PITPNA: variants seen among roughly 807,000 people sequenced by gnomAD.
The protein encoded by PITPNA is phosphatidylinositol transfer protein alpha, also known as phosphatidylinositol transfer protein alpha isoform.
A neutral mutation model predicts 50.3 loss-of-function variants in PITPNA; 13 were observed. The observed-to-expected ratio is 0.26, with a 90% CI of 0.17 to 0.41. The LOEUF is 0.41. Among genes scored for constraint, PITPNA ranks in the 10% least tolerant of loss-of-function variants. The pLI is 1.00. For synonymous variants in PITPNA, 120 were observed against 119.6 expected, an observed-to-expected ratio of 1.00 and a Z score of -0.02; for missense variants, 207 against 333.4, an observed-to-expected ratio of 0.62 and a Z score of 2.95.
chr17:1,542,642 G>A (rs2075653616), intron 5 of PITPNA, among the ~76,000 whole-genome samples: 1 of 152,176 alleles, frequency 6.6e-6, no homozygotes, highest in African/African-American at 2.4e-5. Flanking sequence ...CTGACTTCAC[G>A]ACTTTGCCAA....
chr17:1,528,696 C>A (rs1462064490), intron 10 of PITPNA, among the ~76,000 whole-genome samples: 6 of 151,180 alleles, frequency 4.0e-5, no homozygotes, highest in Non-Finnish European at 8.8e-5. Flanking sequence ...ATGATCACAG[C>A]ACTGCACTCT....
In PITPNA at chr17:1,535,312, A is replaced by G. The variant is rs769757130; in HGVS notation, c.535-20T>C. The G allele has an allele frequency of 1.3e-6, 2 of 1,566,142 alleles. No homozygotes were observed. The highest frequency in any genetic ancestry group is 1.8e-6 in the Non-Finnish European group (2 of 1,136,410). ...CTCTTGCTGCATTAGAAACATACCC[A>G]TGGGTACGCAAGTAACAACGGGCAG... On this transcript the variant is annotated intron_variant, in intron 8 of 11. Transcript: ENST00000313486.
At chr17:1,559,763 G>A in intron 1 of PITPNA, 17 of 985,246 alleles carry the variant, frequency 1.7e-5, no homozygotes, top group Non-Finnish European at 2.0e-5. Flanking sequence ...CACCTCAAAG[G>A]CAAGACACCA....
chr17:1,525,360 G>A (rs1185202098), intron 10 of PITPNA, among the ~76,000 whole-genome samples: 13 of 152,090 alleles, frequency 8.5e-5, no homozygotes, highest in Admixed American at 8.5e-4. Context: ...CTGTCCTATA[G>A]CAAAGGAGAT....
intron 1 of PITPNA, among the ~76,000 whole-genome samples, chr17:1,560,532 G>A (rs776018781): frequency 6.6e-6 from 1 of 152,208 alleles, no homozygotes; most frequent in African/African-American, 2.4e-5. Context: ...TCAAGGGGAG[G>A]AGAACAAAGA....
At chr17:1,533,264 A>T (rs1178064281) in intron 10 of PITPNA, among the ~76,000 whole-genome samples, 1 of 151,806 alleles carries the variant, frequency 6.6e-6, no homozygotes. Context: ...CAGGGGAGTG[A>T]TTAAGAGCTG....
chr17:1,541,997 C>T (rs1401480499), intron 5 of PITPNA, among the ~76,000 whole-genome samples: 2 of 151,960 alleles, frequency 1.3e-5, no homozygotes, highest in Non-Finnish European at 2.9e-5. Flanking sequence ...GTCACAAGAT[C>T]GAGACCAGTC....
At chr17:1,554,695 G>C (rs1270162751) in intron 2 of PITPNA, among the ~76,000 whole-genome samples, 1 of 152,150 alleles carries the variant, frequency 6.6e-6, no homozygotes, top group Non-Finnish European at 1.5e-5. Context: ...CCTAAGCACT[G>C]CAGGGAAATT....
At chr17:1,531,953 T>C (rs2075585709) in intron 10 of PITPNA, among the ~76,000 whole-genome samples, 1 of 152,172 alleles carries the variant, frequency 6.6e-6, no homozygotes, top group Non-Finnish European at 1.5e-5. Context: ...GTGGACTTGC[T>C]TTCTCTCCCA....
At chr17:1,540,518 T>C (rs1598408670) in intron 6 of PITPNA, among the ~76,000 whole-genome samples, 1 of 152,262 alleles carries the variant, frequency 6.6e-6, no homozygotes, top group East Asian at 1.9e-4. Flanking sequence ...GGTTTTTCCA[T>C]GGCTGCAAGG....
chr17:1,524,075 C>T (rs2075531409), intron 10 of PITPNA, among the ~76,000 whole-genome samples: 2 of 144,260 alleles, frequency 1.4e-5, no homozygotes, highest in East Asian at 2.0e-4. Context: ...GACGGAGTCT[C>T]GCTCAGTCAC....
At chr17:1,550,287 G>A (rs1430777995) in intron 3 of PITPNA, among the ~76,000 whole-genome samples, 1 of 152,196 alleles carries the variant, frequency 6.6e-6, no homozygotes, top group Admixed American at 6.5e-5. Flanking sequence ...TAATGCGGTG[G>A]GCACAGGGCC....
chr17:1,535,055 C>T, intron 9 of PITPNA, 127 bp downstream of exon 9: 3 of 634,506 alleles, frequency 4.7e-6, no homozygotes, highest in South Asian at 1.9e-5. Context: ...CACCACCCCC[C>T]ACCGCACACA....
At position 1,562,432 on chromosome 17, in the gene PITPNA, C is replaced by A; in HGVS notation, c.20+109G>T. On this transcript the variant is annotated intron_variant, in intron 1 of 11. Coordinates refer to ENST00000313486, the MANE Select transcript of PITPNA (RefSeq NM_006224.4). The surrounding 1 kb of genome is among the most constrained non-coding windows in gnomAD (Gnocchi z 6.4). ...GGCCCGCCTCAGGCACCCTCCGTCC[C>A]TGCTGCCCCTCCGTCCATCCGGGCC... 1.1e-6 allele frequency: 1 copy of A among 929,560 alleles called. No homozygotes were observed. The highest frequency in any genetic ancestry group is 1.5e-6 in the Non-Finnish European group (1 of 667,300). The allele number at this position is 929,560 out of a possible 1,614,324, so 57.6% of individuals were successfully genotyped here.
chr17:1,549,299 C>T (rs1322588745), intron 3 of PITPNA, among the ~76,000 whole-genome samples: 1 of 143,196 alleles, frequency 7.0e-6, no homozygotes, highest in Admixed American at 7.1e-5. Flanking sequence ...TGTGGTTTGA[C>T]GGAGTAGGAA....
At chr17:1,526,284 C>A (rs1879445861) in intron 10 of PITPNA, among the ~76,000 whole-genome samples, 1 of 152,214 alleles carries the variant, frequency 6.6e-6, no homozygotes, top group African/African-American at 2.4e-5. Context: ...CTATAACCTC[C>A]ACAAACGCCA....
chr17:1,560,366 C>A (rs906987662), intron 1 of PITPNA, among the ~76,000 whole-genome samples: 18 of 149,284 alleles, frequency 1.2e-4, no homozygotes, highest in Non-Finnish European at 1.8e-4. Context: ...TGCAACGCTG[C>A]GGCCACAGCC....
chr17:1,554,263 G>C (rs1214160530), intron 2 of PITPNA, among the ~76,000 whole-genome samples: 1 of 152,080 alleles, frequency 6.6e-6, no homozygotes. Flanking sequence ...TGCTTAGGGA[G>C]TATGAGAAAA....
intron 6 of PITPNA, 45 bp from the exon 7 acceptor site, chr17:1,538,997 T>C: frequency 7.6e-7 from 1 of 1,322,076 alleles, no homozygotes; most frequent in Non-Finnish European, 1.1e-6. Flanking sequence ...TTGTCAGTTA[T>C]AAAATATCCT....
Sources: gnomAD v4.1 joint callset for allele counts (sites outside exome capture counted in the v4.1 genomes callset) on GRCh38, gnomAD v4.1.1 for gene constraint, Gnocchi (gnomAD v3.1) non-coding constraint, MANE v1.5 for transcripts, NCBI Gene and HGNC (gene_info 2026-07-23, HGNC 2026-07-21) for gene names.